Variants in ARID3A observed in about 807,000 individuals in gnomAD.
The protein encoded by ARID3A is AT-rich interaction domain 3A.
ARID3A carries 11 observed loss-of-function variants against 52.7 expected under a neutral mutation model. That is an observed-to-expected ratio of 0.21 (90% CI 0.13 to 0.35). ARID3A has a LOEUF of 0.35. Ranked by LOEUF, ARID3A falls within the 10% of genes least tolerant of loss-of-function variation. The pLI is 1.00. For synonymous variants in ARID3A, 404 were observed against 359.4 expected (o/e 1.12, Z -1.40); for missense variants, 721 against 838.5 (o/e 0.86, Z 1.73).
At position 959,203 on chromosome 19, in the gene ARID3A, A is replaced by G. The variant is rs1168806348; in HGVS notation, c.694-889A>G. ...ACAAGCCCAGGAACCTGGAGCCCCCAGAAGCCGTGAGAGGCAGGAAGGTTC... is the reference window on the plus strand; with the variant it reads ...ACAAGCCCAGGAACCTGGAGCCCCCGGAAGCCGTGAGAGGCAGGAAGGTTC... On this transcript the variant is annotated intron_variant, in intron 3 of 8. Coordinates refer to ENST00000263620, the MANE Select transcript of ARID3A (RefSeq NM_005224.3). This position sits in a 1 kb window ranked among gnomAD's most constrained non-coding sequence, Gnocchi z 5.0. 6.6e-6 allele frequency among the ~76,000 whole-genome samples: 1 copy of G among 152,132 alleles called. No individual in the cohort carries two copies. The highest frequency in any genetic ancestry group is 1.5e-5 in the Non-Finnish European group (1 of 68,016).
intron 1 of ARID3A, among the ~76,000 whole-genome samples, chr19:927,855 G>T (rs553389722): frequency 6.6e-6 from 1 of 152,104 alleles, no homozygotes; most frequent in Non-Finnish European, 1.5e-5. Context: ...GGCTATTTTG[G>T]AACATGCCCT....
Position 941,272 on chromosome 19 carries a change from C to T in ARID3A, c.693+8530C>T, listed in dbSNP as rs557017356. On this transcript the variant is annotated intron_variant, in intron 3 of 8. Transcript: ENST00000263620. This position sits in a 1 kb window ranked among gnomAD's most constrained non-coding sequence, Gnocchi z 6.9. Reference sequence around the variant, plus strand: ...CGAGTGTGCACGCTGGGGCTGTGGCCGGGCGGCTCGTGGGTCCTGTCTCGT... The same window carrying T: ...CGAGTGTGCACGCTGGGGCTGTGGCTGGGCGGCTCGTGGGTCCTGTCTCGT... 2.0e-5 allele frequency among the ~76,000 whole-genome samples: 3 copies of T among 152,230 alleles called. No homozygotes were observed. Among genetic ancestry groups the T allele is most frequent in the East Asian group, 1.9e-4 (1 of 5,192 alleles).
intron 4 of ARID3A, among the ~76,000 whole-genome samples, chr19:961,508 G>A (rs1568370271): frequency 2.6e-5 from 4 of 152,164 alleles, no homozygotes; most frequent in African/African-American, 9.7e-5. Flanking sequence ...CATCCTGTTC[G>A]CACCTGCTCA....
intron 6 of ARID3A, chr19:965,346 T>C (rs2038127377): frequency 4.5e-6 from 2 of 444,778 alleles, no homozygotes; most frequent in South Asian, 3.2e-5. Context: ...ACATTACTAA[T>C]TGATCACTGT....
intron 6 of ARID3A, chr19:965,389 G>C (rs963296658): frequency 3.2e-6 from 1 of 309,610 alleles, no homozygotes; most frequent in Admixed American, 4.7e-5. Flanking sequence ...GGCATCATCA[G>C]TTGATCAGTT....
chr19:939,946 G>A (rs1028201879), intron 3 of ARID3A, among the ~76,000 whole-genome samples: 2 of 152,166 alleles, frequency 1.3e-5, no homozygotes, highest in Non-Finnish European at 2.9e-5. Flanking sequence ...AGAGCTGGAT[G>A]TGAAGGTAGC....
intron 3 of ARID3A, among the ~76,000 whole-genome samples, chr19:934,391 G>A (rs930261978): frequency 6.6e-6 from 1 of 152,236 alleles, no homozygotes; most frequent in Admixed American, 6.5e-5. Flanking sequence ...CCCACAGCCC[G>A]CAGCATGTCC....
chr19:969,354 T>A (rs914600230), intron 8 of ARID3A, among the ~76,000 whole-genome samples: 1 of 151,186 alleles, frequency 6.6e-6, no homozygotes, highest in African/African-American at 2.4e-5. Context: ...CTGGGCAACA[T>A]AGTGAGACCC....
Position 929,764 on chromosome 19 carries a change from G to T in ARID3A, c.236G>T (p.Gly79Val). ...GGCCTGGGACACCCAGCCAGCCCCG[G>T]CGGCTCTGAGGATGGGCCCCCAGGC... is the stretch of plus-strand genomic sequence containing the variant. Reference protein sequence around the residue: ...AAGLGHPASPGGSEDGPPGSE... With the variant: ...AAGLGHPASPVGSEDGPPGSE... Residue 79 changes from glycine (G) to valine (V), a missense_variant, in exon 2 of 9, where the codon GGC (glycine) becomes GTC (valine). By Grantham distance (109) the Gly-to-Val change is moderately radical. This residue lies in a region of ARID3A where 349 missense variants were observed against 297.3 expected (regional missense o/e 1.17). Coordinates refer to ENST00000263620, the MANE Select transcript of ARID3A (RefSeq NM_005224.3). This position sits in a 1 kb window ranked among gnomAD's most constrained non-coding sequence, Gnocchi z 6.2. The T allele has an allele frequency of 1.3e-6, 2 of 1,552,766 alleles. No individual in the cohort carries two copies. Among genetic ancestry groups the T allele is most frequent in the Non-Finnish European group, 1.7e-6 (2 of 1,154,802 alleles).
chr19:964,681 G>T lies in ARID3A; in HGVS notation c.951-152G>T. On this transcript the variant is annotated intron_variant, in intron 5 of 8. Coordinates refer to ENST00000263620, the MANE Select transcript of ARID3A (RefSeq NM_005224.3). The surrounding 1 kb of genome is among the most constrained non-coding windows in gnomAD (Gnocchi z 5.7). ...GAACAGCATTGAGATGGAGGGAATG[G>T]GCAAAGGCCCAGCAGCTCTGGGGGC... is the stretch of plus-strand genomic sequence containing the variant. 1 of 1,358,084 alleles carries T rather than the reference G, an allele frequency of 7.4e-7. No individual in the cohort carries two copies. 84.1% of individuals were successfully genotyped at this position (1,358,084 alleles called of 1,614,324 possible). A position where few individuals can be genotyped will look rare whatever the true frequency, so the allele number is the denominator to read the frequency against.
rs112811011 is a variant in ARID3A at position 941,828 on chromosome 19, A to G, written c.693+9086A>G. ...GTGTGTCAGGGGTGGCTGCAAGCGTATGTGTGTGTGCACGTCGAGGCTGGA... is the reference window on the plus strand; with the variant it reads ...GTGTGTCAGGGGTGGCTGCAAGCGTGTGTGTGTGTGCACGTCGAGGCTGGA... On this transcript the variant is annotated intron_variant, in intron 3 of 8. Coordinates refer to ENST00000263620, the MANE Select transcript of ARID3A (RefSeq NM_005224.3). The surrounding 1 kb of genome is among the most constrained non-coding windows in gnomAD (Gnocchi z 6.9). Among the ~76,000 whole-genome samples the G allele has an allele frequency of 1.7e-5, 2 of 114,508 alleles. No individual in the cohort carries two copies. Among genetic ancestry groups the G allele is most frequent in the African/African-American group, 3.4e-5 (1 of 29,092 alleles). 75.1% of individuals were successfully genotyped at this position (114,508 alleles called of 152,430 possible).
intron 3 of ARID3A, among the ~76,000 whole-genome samples, chr19:943,870 C>T (rs1377652108): frequency 6.6e-6 from 1 of 152,244 alleles, no homozygotes; most frequent in Non-Finnish European, 1.5e-5. Flanking sequence ...TTCATGGGCA[C>T]TTACGGAGCA....
rs185929158 is a variant in ARID3A at position 943,287 on chromosome 19, A to T, written c.693+10545A>T. Among the ~76,000 whole-genome samples, 44 of 148,934 alleles carry T rather than the reference A, an allele frequency of 3.0e-4. No homozygotes were observed. In the East Asian group the frequency reaches 6.5e-3, roughly 22 times the overall value. ...AAAAAAGAAAAAAAAAAAAAAAAGG[A>T]CGGGCGCGCAGTGTCTCATGCCTGT... On this transcript the variant is annotated intron_variant, in intron 3 of 8. Transcript: ENST00000263620.
rs749335471 is a variant in ARID3A, at chr19:966,688, G to A, written c.1315G>A (p.Val439Met). ...AVQAAAAQAA[V>M]AAQAAALEQL... ...GCAAGCAGCAGCCGCCCAAGCAGCTGTGGCCGCACAGGCAGCTGCCCTGGA... is the reference window on the plus strand; with the variant it reads ...GCAAGCAGCAGCCGCCCAAGCAGCTATGGCCGCACAGGCAGCTGCCCTGGA... Residue 439 changes from valine to methionine, a missense_variant, in exon 7 of 9, where the codon GTG (valine) becomes ATG (methionine). This residue lies in a region of ARID3A where 297 missense variants were observed against 343.2 expected (regional missense o/e 0.87). Coordinates refer to ENST00000263620, the MANE Select transcript of ARID3A (RefSeq NM_005224.3). The A allele has an allele frequency of 4.3e-6, 7 of 1,611,256 alleles. No individual in the cohort carries two copies. The East Asian group carries it at 1.1e-4, about 26-fold the overall frequency.
chr19:937,212 C>T (rs1324512181), intron 3 of ARID3A, among the ~76,000 whole-genome samples: 1 of 152,068 alleles, frequency 6.6e-6, no homozygotes, highest in East Asian at 1.9e-4. Context: ...TGCCGTGAGC[C>T]GAGATCGCGC....
rs187447670 is a variant in ARID3A at position 969,464 on chromosome 19, G to T, written c.1594+961G>T. Reference sequence around the variant, plus strand: ...AGTAGGGAGGATCACTTGAGCCCAGGAGGTGGAGGTTGCAGTGAGTCAAGA... The same window carrying T: ...AGTAGGGAGGATCACTTGAGCCCAGTAGGTGGAGGTTGCAGTGAGTCAAGA... On this transcript the variant is annotated intron_variant, in intron 8 of 8. Transcript: ENST00000263620. 2.0e-5 allele frequency among the ~76,000 whole-genome samples: 3 copies of T among 151,760 alleles called. No homozygotes were observed. The East Asian group carries it at 5.9e-4, about 30-fold the overall frequency.
chr19:954,327 G>T (rs1368552795), intron 3 of ARID3A, among the ~76,000 whole-genome samples: 3 of 152,202 alleles, frequency 2.0e-5, no homozygotes, highest in African/African-American at 7.2e-5. Flanking sequence ...GATGGGCCCA[G>T]CCTTGGTAAT....
intron 4 of ARID3A, among the ~76,000 whole-genome samples, chr19:963,531 T>G (rs891473815): frequency 3.9e-5 from 6 of 152,032 alleles, no homozygotes; most frequent in African/African-American, 1.4e-4. Flanking sequence ...AGGGGGCAGG[T>G]AGGGCTGGAA....
Position 929,655 on chromosome 19 carries a change from C to T in ARID3A, c.127C>T (p.Pro43Ser), listed in dbSNP as rs780064122. The T allele has an allele frequency of 1.6e-4, 241 of 1,540,972 alleles. No individual in the cohort carries two copies. Among genetic ancestry groups the T allele is most frequent in the South Asian group, 4.0e-4 (34 of 84,512 alleles). Residue 43 changes from proline to serine, a missense_variant, in exon 2 of 9, where the codon CCC becomes TCC. Around this residue, in one of 5 missense-constraint regions of ARID3A, gnomAD observed 349 missense variants for 297.3 expected, o/e 1.17. Transcript: ENST00000263620. This position sits in a 1 kb window ranked among gnomAD's most constrained non-coding sequence, Gnocchi z 6.2. ...AAPPGRARAA[P>S]DEDREPESAR... ...ACCCCCCGGCCGGGCCCGGGCTGCC[C>T]CCGACGAGGACAGAGAGCCCGAGAG...
Sources: allele counts gnomAD v4.1 joint callset (sites outside exome capture counted in the v4.1 genomes callset), GRCh38; gene constraint gnomAD v4.1.1; regional missense constraint gnomAD v4.1.1; non-coding constraint Gnocchi (gnomAD v3.1); transcripts MANE v1.5; gene names NCBI Gene and HGNC (gene_info 2026-07-23, HGNC 2026-07-21).